The following EPHA7 variants were observed in gnomAD, a reference collection of about 807,000 sequenced individuals.
EPHA7 encodes the protein ephrin type-A receptor 7.
In EPHA7, 25 loss-of-function variants were observed where a neutral mutation model predicts 112.6. That is an observed-to-expected ratio of 0.22 (90% CI 0.16 to 0.31). The LOEUF is 0.31. EPHA7 is among the 10% of genes least tolerant of loss of function. The pLI, the probability that EPHA7 is intolerant of heterozygous loss-of-function variation, is 1.00. For synonymous variants in EPHA7, 437 were observed against 406.5 expected, an observed-to-expected ratio of 1.07 and a Z score of -0.90; for missense variants, 962 against 1,212.6, an observed-to-expected ratio of 0.79 and a Z score of 3.07.
intron 5 of EPHA7, among the ~76,000 whole-genome samples, chr6:93,322,337 G>T (rs1251569562): frequency 2.0e-5 from 3 of 151,778 alleles, no homozygotes; most frequent in Admixed American, 6.6e-5. Flanking sequence ...AATTTAGGAA[G>T]AAATATTCCA....
chr6:93,343,388 C>T lies in EPHA7; in HGVS notation c.1324+13329G>A, dbSNP rs182202531. Among the ~76,000 whole-genome samples, 14 of 151,604 alleles carry T rather than the reference C, an allele frequency of 9.2e-5. No homozygotes were observed. In the East Asian group the frequency reaches 2.1e-3, roughly 23 times the overall value. On this transcript the variant is annotated intron_variant, in intron 5 of 16. Coordinates refer to ENST00000369303, the MANE Select transcript of EPHA7 (RefSeq NM_004440.4). ...TGAAAACTTCAGAAATAAAAAAATT[C>T]AAAGTCAAACACATGATGTAGATTT... is the stretch of plus-strand genomic sequence containing the variant.
chr6:93,387,577 A>G (rs914317606), intron 3 of EPHA7, among the ~76,000 whole-genome samples: 2 of 152,148 alleles, frequency 1.3e-5, no homozygotes, highest in African/African-American at 4.8e-5. Context: ...TCACACTGCT[A>G]TGAAGAAATA....
chr6:93,336,042 G>T (rs978484523), intron 5 of EPHA7, among the ~76,000 whole-genome samples: 1 of 152,044 alleles, frequency 6.6e-6, no homozygotes, highest in African/African-American at 2.4e-5. Flanking sequence ...CATTATAATT[G>T]ATGTACCTTT....
rs1199857559 is a variant in EPHA7, at chr6:93,419,308, T to G, written c.34A>C (p.Ile12Leu). 1 of 1,614,144 alleles carries G rather than the reference T, an allele frequency of 6.2e-7. No individual in the cohort carries two copies. Among genetic ancestry groups the G allele is most frequent in the East Asian group, 2.2e-5 (1 of 44,852 alleles). ...CGGAGCAGCCAGATGTAGCATAAAA[T>G]AATCCATGAAGGGTACCGAGTTTGA... ...VFQTRYPSWI[I>L]LCYIWLLRFA... Residue 12 changes from isoleucine to leucine, a missense_variant, in exon 1 of 17, where the codon ATT becomes CTT. Ile to Leu is a conservative substitution (Grantham distance 5, BLOSUM62 2). Around this residue, in one of 3 missense-constraint regions of EPHA7, gnomAD observed 56 missense variants for 59.9 expected, o/e 0.94. Coordinates refer to ENST00000369303, the MANE Select transcript of EPHA7 (RefSeq NM_004440.4).
intron 5 of EPHA7, among the ~76,000 whole-genome samples, chr6:93,294,530 C>T (rs957387678): frequency 6.6e-6 from 1 of 152,026 alleles, no homozygotes; most frequent in African/African-American, 2.4e-5. Flanking sequence ...TGTTCCTTAA[C>T]ACATTTTTTT....
intron 8 of EPHA7, among the ~76,000 whole-genome samples, chr6:93,264,148 A>G (rs1469690639): frequency 6.6e-6 from 1 of 151,562 alleles, no homozygotes; most frequent in East Asian, 1.9e-4. Flanking sequence ...GATTGAATAC[A>G]CAAAATTCAG....
intron 3 of EPHA7, among the ~76,000 whole-genome samples, chr6:93,403,182 A>G (rs1490322367): frequency 1.3e-5 from 2 of 152,122 alleles, no homozygotes; most frequent in Non-Finnish European, 2.9e-5. Context: ...CATATACAAG[A>G]AATTCAATTA....
At chr6:93,359,884 G>GATAC (rs1443198429) in intron 3 of EPHA7, among the ~76,000 whole-genome samples, 1 of 150,676 alleles carries the variant, frequency 6.6e-6, no homozygotes, top group Non-Finnish European at 1.5e-5. Flanking sequence ...GAGATAGATA[G>GATAC]ATAGATAGAT....
intron 3 of EPHA7, among the ~76,000 whole-genome samples, chr6:93,372,380 AT>A (rs1165580971): frequency 6.6e-6 from 1 of 152,058 alleles, no homozygotes; most frequent in Non-Finnish European, 1.5e-5. Context: ...TCCTTTTGCC[AT>A]TTTTCAACAT....
intron 3 of EPHA7, among the ~76,000 whole-genome samples, chr6:93,375,901 C>T (rs182230926): frequency 6.6e-6 from 1 of 152,190 alleles, no homozygotes; most frequent in East Asian, 1.9e-4. Context: ...CATTCATGAT[C>T]ACAAAAGGAA....
intron 5 of EPHA7, among the ~76,000 whole-genome samples, chr6:93,349,913 G>T (rs1480071354): frequency 6.6e-6 from 1 of 151,770 alleles, no homozygotes; most frequent in Non-Finnish European, 1.5e-5. Context: ...GACAAATAAA[G>T]AAAATGATTG....
chr6:93,392,340 T>A (rs953757573), intron 3 of EPHA7, among the ~76,000 whole-genome samples: 4 of 151,996 alleles, frequency 2.6e-5, no homozygotes, highest in African/African-American at 9.6e-5. Flanking sequence ...GGTTACCTTT[T>A]CAGTTGTCCT....
At chr6:93,263,771 T>C (rs1183021315) in intron 9 of EPHA7, 89 bp downstream of exon 9, 5 of 948,572 alleles carry the variant, frequency 5.3e-6, no homozygotes, top group African/African-American at 5.0e-5. Context: ...TCAAGCATGA[T>C]GCATGAGGAC....
chr6:93,364,437 T>C (rs1776404773), intron 3 of EPHA7, among the ~76,000 whole-genome samples: 1 of 149,666 alleles, frequency 6.7e-6, no homozygotes, highest in Non-Finnish European at 1.5e-5. Flanking sequence ...AGCAGGAGAA[T>C]CACTTGAACC....
At chr6:93,353,481 C>A (rs1775794684) in intron 5 of EPHA7, among the ~76,000 whole-genome samples, 1 of 152,086 alleles carries the variant, frequency 6.6e-6, no homozygotes, top group Non-Finnish European at 1.5e-5. Context: ...ATTAATTTCT[C>A]CCTCTTCCAA....
rs1462833873 is a variant in EPHA7, at chr6:93,359,874, G to GAGAGAT, written c.833-1464_833-1463insATCTCT. Among the ~76,000 whole-genome samples, 634 of 127,912 alleles carry GAGAGAT rather than the reference G, an allele frequency of 5.0e-3. 6 individuals are homozygous for GAGAGAT. The highest frequency in any genetic ancestry group is 0.016 in the African/African-American group (538 of 33,986). 83.9% of individuals were successfully genotyped at this position (127,912 alleles called of 152,430 possible). Reference sequence around the variant, plus strand: ...GATGATAGAGAGAGAGAGAGAGAGAGAGATAGATAGATAGATAGATAGATA... The same window carrying GAGAGAT: ...GATGATAGAGAGAGAGAGAGAGAGAGAGAGATAGATAGATAGATAGATAGATAGATA... On this transcript the variant is annotated intron_variant, in intron 3 of 16. Coordinates refer to ENST00000369303, the MANE Select transcript of EPHA7 (RefSeq NM_004440.4).
intron 5 of EPHA7, among the ~76,000 whole-genome samples, chr6:93,352,559 G>A (rs1775745920): frequency 6.6e-6 from 1 of 151,942 alleles, no homozygotes; most frequent in African/African-American, 2.4e-5. Flanking sequence ...TGTTCCCAAT[G>A]TTGTTCTACA....
intron 5 of EPHA7, among the ~76,000 whole-genome samples, chr6:93,282,818 C>T (rs111489024): frequency 0.013 from 1,987 of 152,284 alleles, 44 homozygotes; most frequent in African/African-American, 0.045. Context: ...ATTTCTCCCC[C>T]GGCCTTAGCT....
chr6:93,296,600 A>C (rs72914217), intron 5 of EPHA7, among the ~76,000 whole-genome samples: 13,147 of 151,456 alleles, frequency 0.087, 777 homozygotes, highest in Non-Finnish European at 0.13. Context: ...GTACATAAAG[A>C]AAAATATTGC....
Sources: gnomAD v4.1 joint callset for allele counts (sites outside exome capture counted in the v4.1 genomes callset) on GRCh38, gnomAD v4.1.1 for gene constraint, gnomAD v4.1.1 regional missense constraint, MANE v1.5 for transcripts, NCBI Gene and HGNC (gene_info 2026-07-23, HGNC 2026-07-21) for gene names.